Variants in RAPGEF1 observed in about 807,000 individuals in gnomAD.
RAPGEF1 encodes the protein CRK SH3-binding GNRP.
A neutral mutation model predicts 143.3 loss-of-function variants in RAPGEF1; 33 were observed. That is an observed-to-expected ratio of 0.23 (90% CI 0.17 to 0.31). RAPGEF1 has a LOEUF of 0.31. RAPGEF1 is among the 10% of genes least tolerant of loss of function. RAPGEF1 has a pLI of 1.00. For synonymous variants in RAPGEF1, 629 were observed against 676.5 expected, an observed-to-expected ratio of 0.93 and a Z score of 1.09; for missense variants, 1,199 against 1,645.4, an observed-to-expected ratio of 0.73 and a Z score of 4.69.
chr9:131,614,107 C>T (rs768556886), intron 12 of RAPGEF1, among the ~76,000 whole-genome samples: 55 of 151,748 alleles, frequency 3.6e-4, no homozygotes, highest in Non-Finnish European at 7.1e-4. Flanking sequence ...GTGGACCGTG[C>T]AAAGGGAGGG....
In RAPGEF1 at chr9:131,577,089, C is replaced by G. The variant is rs1047400974; in HGVS notation, c.*2408G>C. ...GATTCCCACAACCCGCCCGGGCCCCCCAAAGGAACAGACGAGCCACGGCCA... is the reference window on the plus strand; with the variant it reads ...GATTCCCACAACCCGCCCGGGCCCCGCAAAGGAACAGACGAGCCACGGCCA... On this transcript the variant is annotated 3_prime_UTR_variant, in exon 27 of 27. Coordinates refer to ENST00000683357, the MANE Select transcript of RAPGEF1 (RefSeq NM_001377935.1). 1 of 152,414 alleles carries G rather than the reference C, an allele frequency of 6.6e-6. No homozygotes were observed. The highest frequency in any genetic ancestry group is 2.1e-4 in the South Asian group (1 of 4,838). 9.4% of individuals were successfully genotyped at this position (152,414 alleles called of 1,614,324 possible).
chr9:131,650,940 C>T lies in RAPGEF1; in HGVS notation c.71G>A (p.Arg24His), dbSNP rs779630118. Reference protein sequence around the residue: ...SGKIEKADSQRSHLSSFTMKL... With the variant: ...SGKIEKADSQHSHLSSFTMKL... ...CATGGTGAAGGAAGAGAGATGAGAA[C>T]GCTGAGAGTCTGAAAACAAAGAGGG... Residue 24 changes from arginine (R) to histidine (H), a missense_variant, in exon 2 of 27, where the codon CGT becomes CAT. Physicochemically the swap from Arg to His is conservative, Grantham distance 29. Around this residue, in one of 6 missense-constraint regions of RAPGEF1, gnomAD observed 613 missense variants for 710.9 expected, o/e 0.86. Coordinates refer to ENST00000683357, the MANE Select transcript of RAPGEF1 (RefSeq NM_001377935.1). The surrounding 1 kb of genome is among the most constrained non-coding windows in gnomAD (Gnocchi z 4.7). 17 of 1,613,644 alleles carry T rather than the reference C, an allele frequency of 1.1e-5. No individual in the cohort carries two copies. The highest frequency in any genetic ancestry group is 4.4e-5 in the South Asian group (4 of 91,056).
rs1207465271 is a variant in RAPGEF1, at chr9:131,667,263, T to A, written c.62-16314A>T. 1.3e-5 allele frequency among the ~76,000 whole-genome samples: 2 copies of A among 152,150 alleles called. No individual in the cohort carries two copies. Among genetic ancestry groups the A allele is most frequent in the African/African-American group, 4.8e-5 (2 of 41,430 alleles). ...CCTCGGCCTCCCCAAAGTGCTGGGA[T>A]TACAGGTGTGAGCCACTGCGCCCAG... On this transcript the variant is annotated intron_variant, in intron 1 of 26. Transcript: ENST00000683357. This position sits in a 1 kb window ranked among gnomAD's most constrained non-coding sequence, Gnocchi z 4.6.
intron 1 of RAPGEF1, among the ~76,000 whole-genome samples, chr9:131,695,214 A>T (rs1834074065): frequency 6.6e-6 from 1 of 152,164 alleles, no homozygotes; most frequent in African/African-American, 2.4e-5. Flanking sequence ...CCACTCTCTC[A>T]TAATTCGGAA....
At chr9:131,729,868 G>C (rs1316610709) in intron 1 of RAPGEF1, among the ~76,000 whole-genome samples, 2 of 152,156 alleles carry the variant, frequency 1.3e-5, no homozygotes, top group African/African-American at 4.8e-5. Flanking sequence ...ATCCTCATCT[G>C]GGAAAAATCT....
chr9:131,638,879 G>A, intron 4 of RAPGEF1, 88 bp from the exon 5 acceptor site: 3 of 1,374,056 alleles, frequency 2.2e-6, no homozygotes, highest in Non-Finnish European at 3.0e-6. Flanking sequence ...ACAAGGGTGT[G>A]TTTCTCCAAC....
intron 1 of RAPGEF1, among the ~76,000 whole-genome samples, chr9:131,682,130 G>C (rs573729240): frequency 3.3e-5 from 5 of 152,310 alleles, no homozygotes; most frequent in African/African-American, 1.2e-4. Context: ...CCTGCAGCTT[G>C]TTTTAACTGT....
chr9:131,647,178 T>A (rs567961291), intron 3 of RAPGEF1, among the ~76,000 whole-genome samples: 1 of 152,212 alleles, frequency 6.6e-6, no homozygotes, highest in African/African-American at 2.4e-5. Context: ...TTCATCACAA[T>A]GTACTTTGAA....
intron 15 of RAPGEF1, 140 bp downstream of exon 15, chr9:131,601,921 A>G (rs1956331231): frequency 1.6e-6 from 1 of 641,362 alleles, no homozygotes; most frequent in Non-Finnish European, 2.6e-6. Flanking sequence ...AAACAAAAAA[A>G]GGAAATAAGG....
chr9:131,713,780 AC>A (rs1354066503), intron 1 of RAPGEF1, among the ~76,000 whole-genome samples: 1 of 151,758 alleles, frequency 6.6e-6, no homozygotes, highest in Non-Finnish European at 1.5e-5. Flanking sequence ...CAGAGCGAGA[AC>A]CCATCTCTAA....
chr9:131,662,709 T>C (rs1449366997), intron 1 of RAPGEF1, among the ~76,000 whole-genome samples: 1 of 152,192 alleles, frequency 6.6e-6, no homozygotes, highest in South Asian at 2.1e-4. Context: ...TGGCTAATTT[T>C]TTTTTGTATT....
At chr9:131,594,572 C>T (rs1414717708) in intron 17 of RAPGEF1, among the ~76,000 whole-genome samples, 1 of 152,220 alleles carries the variant, frequency 6.6e-6, no homozygotes, top group Admixed American at 6.5e-5. Context: ...CAGTCTCTGG[C>T]TTGCAGGATG....
At position 131,629,094 on chromosome 9, in the gene RAPGEF1, G is replaced by A. The variant is rs1053084325; in HGVS notation, c.893+8C>T. ...TGGGAGGCACTGGACAAATAGGAAG[G>A]TAATTACCTATTATCAACCACCCGA... On this transcript the variant is annotated splice_region_variant and intron_variant, in intron 7 of 26. Transcript: ENST00000683357. The A allele has an allele frequency of 6.2e-7, 1 of 1,612,176 alleles. No individual in the cohort carries two copies. Among genetic ancestry groups the A allele is most frequent in the Admixed American group, 1.7e-5 (1 of 59,824 alleles).
intron 3 of RAPGEF1, among the ~76,000 whole-genome samples, chr9:131,647,427 C>T (rs1391515174): frequency 6.6e-6 from 1 of 152,200 alleles, no homozygotes; most frequent in East Asian, 1.9e-4. Context: ...CGGGAAGTGG[C>T]AGCGAATCTG....
At chr9:131,635,402 G>A (rs1213312521) in intron 5 of RAPGEF1, among the ~76,000 whole-genome samples, 5 of 149,390 alleles carry the variant, frequency 3.3e-5, no homozygotes, top group Admixed American at 2.0e-4. Context: ...TACAACCCAT[G>A]TTCAATCATT....
Position 131,676,230 on chromosome 9 carries a change from T to C in RAPGEF1, c.62-25281A>G, listed in dbSNP as rs960912872. ...AACTGAACAGCTTCTGAGGTGGGCA[T>C]GGGCAGCCGCTGGGGGTTCTTCCCA... is the stretch of plus-strand genomic sequence containing the variant. On this transcript the variant is annotated intron_variant, in intron 1 of 26. Coordinates refer to ENST00000683357, the MANE Select transcript of RAPGEF1 (RefSeq NM_001377935.1). Among the ~76,000 whole-genome samples, 16 of 152,298 alleles carry C rather than the reference T, an allele frequency of 1.1e-4. No homozygotes were observed. The South Asian group carries it at 3.3e-3, about 32-fold the overall frequency.
chr9:131,692,536 C>T (rs1172568337), intron 1 of RAPGEF1, among the ~76,000 whole-genome samples: 1 of 152,160 alleles, frequency 6.6e-6, no homozygotes, highest in Non-Finnish European at 1.5e-5. Context: ...ATATGTGGGC[C>T]ACAGAGAGTT....
chr9:131,635,219 C>T (rs1424189840), intron 5 of RAPGEF1, among the ~76,000 whole-genome samples: 2 of 152,162 alleles, frequency 1.3e-5, no homozygotes, highest in Non-Finnish European at 2.9e-5. Context: ...ACTTTATATA[C>T]TTTATCTTAC....
rs1964019470 is a variant in RAPGEF1 at position 131,628,735 on chromosome 9, A to G, written c.894-63T>C. 1 of 1,526,752 alleles carries G rather than the reference A, an allele frequency of 6.5e-7. No homozygotes were observed. Among genetic ancestry groups the G allele is most frequent in the Non-Finnish European group, 8.8e-7 (1 of 1,132,016 alleles). 94.6% of individuals were successfully genotyped at this position (1,526,752 alleles called of 1,614,324 possible). ...ACTCACCAAAGCTCTTCAGCGTGAT[A>G]TTGGGGTACAGGATGTGGGGTTCTT... On this transcript the variant is annotated intron_variant, in intron 7 of 26. Coordinates refer to ENST00000683357, the MANE Select transcript of RAPGEF1 (RefSeq NM_001377935.1). The surrounding 1 kb of genome is among the most constrained non-coding windows in gnomAD (Gnocchi z 5.7).
Sources: allele counts gnomAD v4.1 joint callset (sites outside exome capture counted in the v4.1 genomes callset), GRCh38; gene constraint gnomAD v4.1.1; regional missense constraint gnomAD v4.1.1; non-coding constraint Gnocchi (gnomAD v3.1); transcripts MANE v1.5; gene names NCBI Gene and HGNC (gene_info 2026-07-23, HGNC 2026-07-21).